RNGTT: variants seen among roughly 807,000 people sequenced by gnomAD.
RNGTT encodes the protein RNA guanylyltransferase and 5'-phosphatase.
Under a neutral mutation model 79.3 loss-of-function variants are expected in RNGTT, and 33 were observed. That is an observed-to-expected ratio of 0.42 (90% CI 0.32 to 0.56). The LOEUF (loss-of-function observed/expected upper bound fraction) is 0.56, where lower values mean the gene tolerates loss of function less well. RNGTT is among the 20% of genes least tolerant of loss of function. RNGTT has a pLI of 0.17. For synonymous variants in RNGTT, 222 were observed against 235.9 expected, an observed-to-expected ratio of 0.94 and a Z score of 0.54; for missense variants, 497 against 739.1, an observed-to-expected ratio of 0.67 and a Z score of 3.80.
chr6:88,903,015 A>G (rs572101384), intron 6 of RNGTT, among the ~76,000 whole-genome samples: 123 of 152,244 alleles, frequency 8.1e-4, no homozygotes, highest in African/African-American at 2.8e-3. Context: ...AGTAACTAAT[A>G]AAAGAAAAGT....
chr6:88,795,595 G>A (rs1352494904), intron 12 of RNGTT, among the ~76,000 whole-genome samples: 1 of 152,078 alleles, frequency 6.6e-6, no homozygotes, highest in African/African-American at 2.4e-5. Context: ...ATGACGGGTT[G>A]ATGAGTGCAG....
chr6:88,641,615 A>G (rs1008462926), intron 14 of RNGTT, among the ~76,000 whole-genome samples: 25 of 152,352 alleles, frequency 1.6e-4, no homozygotes, highest in Admixed American at 1.6e-3. Context: ...TGAATTTACA[A>G]TGAGTACAAG....
At chr6:88,796,719 G>A (rs1293822043) in intron 12 of RNGTT, among the ~76,000 whole-genome samples, 3 of 152,216 alleles carry the variant, frequency 2.0e-5, no homozygotes, top group Non-Finnish European at 2.9e-5. Flanking sequence ...TAGAAGACAA[G>A]TATAAAGACA....
At chr6:88,663,846 G>C (rs1259967337) in intron 14 of RNGTT, among the ~76,000 whole-genome samples, 1 of 152,160 alleles carries the variant, frequency 6.6e-6, no homozygotes, top group Admixed American at 6.5e-5. Flanking sequence ...GGGTGCCTTT[G>C]TGTACCAACC....
intron 14 of RNGTT, among the ~76,000 whole-genome samples, chr6:88,672,179 C>A (rs1301857979): frequency 6.6e-6 from 1 of 151,278 alleles, no homozygotes; most frequent in African/African-American, 2.4e-5. Flanking sequence ...AGACAACCCA[C>A]AGAGTAGGAG....
At chr6:88,824,718 C>A (rs992938854) in intron 11 of RNGTT, among the ~76,000 whole-genome samples, 1 of 151,662 alleles carries the variant, frequency 6.6e-6, no homozygotes, top group African/African-American at 2.4e-5. Flanking sequence ...CAAAAAGGAC[C>A]CTGCAATAAA....
intron 11 of RNGTT, among the ~76,000 whole-genome samples, chr6:88,807,790 T>A (rs1324430016): frequency 2.0e-5 from 3 of 151,486 alleles, no homozygotes; most frequent in African/African-American, 7.3e-5. Context: ...TTTATCATAG[T>A]CAAAACCCAG....
intron 8 of RNGTT, among the ~76,000 whole-genome samples, chr6:88,864,379 T>A (rs1782103896): frequency 6.6e-6 from 1 of 152,094 alleles, no homozygotes; most frequent in African/African-American, 2.4e-5. Context: ...TTTGCCAACA[T>A]TAGCATTAAA....
chr6:88,623,559 A>G (rs1225659433), intron 14 of RNGTT, among the ~76,000 whole-genome samples: 2 of 152,012 alleles, frequency 1.3e-5, no homozygotes, highest in African/African-American at 4.8e-5. Context: ...TAATCTTAGT[A>G]TATGTGTTTC....
chr6:88,926,323 C>T (rs1291492116), intron 4 of RNGTT, among the ~76,000 whole-genome samples: 1 of 152,138 alleles, frequency 6.6e-6, no homozygotes, highest in Non-Finnish European at 1.5e-5. Flanking sequence ...CCTCATTACT[C>T]TTGTTTTTCA....
chr6:88,941,221 TGTTTCA>T, intron 1 of RNGTT, 41 bp from the exon 2 acceptor site: 1 of 1,271,956 alleles, frequency 7.9e-7, no homozygotes, highest in Non-Finnish European at 1.1e-6. Context: ...TAAAAGGAAA[TGTTTCA>T]GATTAAAATT....
chr6:88,813,253 C>G (rs1267610012), intron 11 of RNGTT, among the ~76,000 whole-genome samples: 3 of 152,170 alleles, frequency 2.0e-5, no homozygotes, highest in Non-Finnish European at 2.9e-5. Context: ...ATTTCCACCA[C>G]AGGCTGCATA....
intron 8 of RNGTT, among the ~76,000 whole-genome samples, chr6:88,870,846 G>A (rs1319077804): frequency 6.6e-6 from 1 of 152,070 alleles, no homozygotes; most frequent in Non-Finnish European, 1.5e-5. Context: ...TAAAATAGAT[G>A]TCCAATGCAC....
chr6:88,736,834 T>C (rs901348279), intron 13 of RNGTT, among the ~76,000 whole-genome samples: 2 of 152,100 alleles, frequency 1.3e-5, no homozygotes, highest in Non-Finnish European at 2.9e-5. Flanking sequence ...AACCATCAGG[T>C]GGTGAACATG....
At chr6:88,710,077 G>A (rs1447855634) in intron 13 of RNGTT, among the ~76,000 whole-genome samples, 5 of 152,198 alleles carry the variant, frequency 3.3e-5, no homozygotes, top group Non-Finnish European at 7.3e-5. Context: ...TGTTAAGCAA[G>A]TTGCTCCACA....
chr6:88,729,160 T>A (rs1777022510), intron 13 of RNGTT, among the ~76,000 whole-genome samples: 1 of 152,178 alleles, frequency 6.6e-6, no homozygotes, highest in African/African-American at 2.4e-5. Flanking sequence ...GCTCACTTTG[T>A]GTCTCTCACG....
intron 14 of RNGTT, among the ~76,000 whole-genome samples, chr6:88,650,346 A>G (rs947493924): frequency 6.6e-6 from 1 of 152,180 alleles, no homozygotes; most frequent in Admixed American, 6.5e-5. Context: ...ACATCACCCA[A>G]TTAACCATGT....
At chr6:88,836,023 C>CACACACACACACAT (rs1554222128) in intron 11 of RNGTT, among the ~76,000 whole-genome samples, 1 of 92,094 alleles carries the variant, frequency 1.1e-5, no homozygotes, top group Non-Finnish European at 2.6e-5. Context: ...CACACACACA[C>CACACACACACACAT]ATATATATAT....
chr6:88,735,567 T>TAA (rs71554796), intron 13 of RNGTT, among the ~76,000 whole-genome samples: 16,741 of 120,470 alleles, frequency 0.14, 1,179 homozygotes, highest in Middle Eastern at 0.22. Context: ...ACACGAGTGT[T>TAA]AAAAAAAAAA....
Sources: allele counts gnomAD v4.1 joint callset (sites outside exome capture counted in the v4.1 genomes callset), GRCh38; gene constraint gnomAD v4.1.1; transcripts MANE v1.5; gene names NCBI Gene and HGNC (gene_info 2026-07-23, HGNC 2026-07-21).